Variants in ZNF778 observed in about 807,000 individuals in gnomAD.
ZNF778 encodes the protein zinc finger protein 778.
In ZNF778, 37 loss-of-function variants were observed where a neutral mutation model predicts 23.9. The ratio of observed to expected loss-of-function variants is 1.54; its 90% CI spans 1.19 to 2.03. The LOEUF (loss-of-function observed/expected upper bound fraction) is 2.03. Ranked by LOEUF, ZNF778 falls within the 30% of genes most tolerant of loss-of-function variation. The pLI is 0.00. For missense variants in ZNF778, 1,297 were observed against 934.4 expected, an observed-to-expected ratio of 1.39 and a Z score of -5.06; for synonymous variants, 483 against 343.9, an observed-to-expected ratio of 1.40 and a Z score of -4.48.
chr16:89,220,382 G>C (rs1365349220), intron 1 of ZNF778, among the ~76,000 whole-genome samples: 1 of 152,206 alleles, frequency 6.6e-6, no homozygotes, highest in Non-Finnish European at 1.5e-5. Context: ...CCGGGGCGGG[G>C]CACGGTGGCT....
In ZNF778 at chr16:89,227,492, T is replaced by G; in HGVS notation, c.1204T>G (p.Phe402Val). The change falls in exon 7 of 7, where the codon TTT (phenylalanine) becomes GTT (valine). Residue 402 changes from phenylalanine to valine, a missense_variant. By Grantham distance (50) the Phe-to-Val change is conservative. Coordinates refer to ENST00000433976, the MANE Select transcript of ZNF778 (RefSeq NM_001201407.2). Reference protein sequence around the residue: ...PFACVVCGKYFRNSSCLNNHV... With the variant: ...PFACVVCGKYVRNSSCLNNHV... ...TGCATGTGTGGTTTGCGGAAAATAT[T>G]TTAGAAATTCCTCATGCCTTAATAA... 6.2e-7 allele frequency: 1 copy of G among 1,613,604 alleles called. No homozygotes were observed. Among genetic ancestry groups the G allele is most frequent in the African/African-American group, 1.3e-5 (1 of 74,900 alleles).
chr16:89,225,779 G>A (rs1567502781), intron 6 of ZNF778, 148 bp downstream of exon 6: 1 of 703,278 alleles, frequency 1.4e-6, no homozygotes, highest in East Asian at 2.9e-5. Context: ...TGAATGTGCG[G>A]AATTTGGGAG....
chr16:89,233,332 C>T lies in ZNF778; in HGVS notation c.*4770C>T, dbSNP rs1409435381. 4 of 1,283,580 alleles carry T rather than the reference C, an allele frequency of 3.1e-6. No individual in the cohort carries two copies. The highest frequency in any genetic ancestry group is 3.2e-5 in the African/African-American group (2 of 63,398). 79.5% of individuals were successfully genotyped at this position (1,283,580 alleles called of 1,614,324 possible). ...TGCGTATGCAACTCAGCTCGCTCTG[C>T]GTATGCAACTCAGCTCGCACTGCGT... On this transcript the variant is annotated 3_prime_UTR_variant, in exon 7 of 7. Coordinates refer to ENST00000433976, the MANE Select transcript of ZNF778 (RefSeq NM_001201407.2).
chr16:89,225,845 C>T (rs939172468), intron 6 of ZNF778, among the ~76,000 whole-genome samples: 3 of 151,952 alleles, frequency 2.0e-5, no homozygotes, highest in African/African-American at 2.4e-5. Flanking sequence ...GCACACATGA[C>T]GAGGTCTTGA....
Position 89,232,587 on chromosome 16 carries a change from T to C in ZNF778, c.*4025T>C. On this transcript the variant is annotated 3_prime_UTR_variant, in exon 7 of 7. Transcript: ENST00000433976. The stretch of plus-strand genomic sequence containing the variant: ...TGTGTGAAAATCTCCACTCCCAATG[T>C]CTGAGGGTTCCTCAGAGTAAGATAA... 1.7e-6 allele frequency: 2 copies of C among 1,183,080 alleles called. No individual in the cohort carries two copies. The highest frequency in any genetic ancestry group is 2.1e-6 in the Non-Finnish European group (2 of 936,432). The allele number at this position is 1,183,080 out of a possible 1,614,324, so 73.3% of individuals were successfully genotyped here. A position where few individuals can be genotyped will look rare whatever the true frequency, so the allele number is the denominator to read the frequency against.
Position 89,233,645 on chromosome 16 carries a change from C to A in ZNF778, c.*5083C>A, listed in dbSNP as rs2032121020. The A allele has an allele frequency of 7.8e-7, 1 of 1,281,996 alleles. No individual in the cohort carries two copies. Among genetic ancestry groups the A allele is most frequent in the South Asian group, 1.2e-5 (1 of 80,056 alleles). The allele number at this position is 1,281,996 out of a possible 1,614,324, so 79.4% of individuals were successfully genotyped here. ...CTCACACTGTATGCAACTCAGCTCGCTCTGCATATGCAATTCAACTCGCAC... is the reference window on the plus strand; with the variant it reads ...CTCACACTGTATGCAACTCAGCTCGATCTGCATATGCAATTCAACTCGCAC... On this transcript the variant is annotated 3_prime_UTR_variant, in exon 7 of 7. Transcript: ENST00000433976.
At chr16:89,222,299 G>A (rs2031034232) in intron 3 of ZNF778, 116 bp downstream of exon 3, 1 of 639,440 alleles carries the variant, frequency 1.6e-6, no homozygotes. Context: ...GTCCCTAGTT[G>A]AACGCCTCCA....
Position 89,227,341 on chromosome 16 carries a change from T to G in ZNF778, c.1053T>G (p.Gly351=), listed in dbSNP as rs755119440. Residue 351 remains glycine (G), a synonymous_variant, in exon 7 of 7, where the codon GGT becomes GGG. Coordinates refer to ENST00000433976, the MANE Select transcript of ZNF778 (RefSeq NM_001201407.2). ...GAAAAGCCTTCACTGGACTCTCAGGTCTTTCTAAACACGTCCAAACAGACC... is the reference window on the plus strand; with the variant it reads ...GAAAAGCCTTCACTGGACTCTCAGGGCTTTCTAAACACGTCCAAACAGACC... ...ECGKAFTGLS[G]LSKHVQTDPG... 1.2e-6 allele frequency: 2 copies of G among 1,613,972 alleles called. No individual in the cohort carries two copies. The highest frequency in any genetic ancestry group is 1.7e-6 in the Non-Finnish European group (2 of 1,179,876).
Position 89,233,580 on chromosome 16 carries a change from T to A in ZNF778, c.*5018T>A, listed in dbSNP as rs1305162337. 8.8e-7 allele frequency: 1 copy of A among 1,131,188 alleles called. No homozygotes were observed. Among genetic ancestry groups the A allele is most frequent in the Non-Finnish European group, 1.2e-6 (1 of 864,678 alleles). 70.1% of individuals were successfully genotyped at this position (1,131,188 alleles called of 1,614,324 possible). On this transcript the variant is annotated 3_prime_UTR_variant, in exon 7 of 7. Transcript: ENST00000433976. ...CATATGCAACTCAGCTCGCACTGCA[T>A]ATGCAACGCAACTCAACTCATACTG...
At position 89,230,182 on chromosome 16, in the gene ZNF778, T is replaced by C; in HGVS notation, c.*1620T>C. The C allele has an allele frequency of 2.1e-6, 1 of 465,246 alleles. No homozygotes were observed. The highest frequency in any genetic ancestry group is 2.8e-6 in the Non-Finnish European group (1 of 355,300). The allele number at this position is 465,246 out of a possible 1,614,324, so 28.8% of individuals were successfully genotyped here. A position where few individuals can be genotyped will look rare whatever the true frequency, so the allele number is the denominator to read the frequency against. On this transcript the variant is annotated 3_prime_UTR_variant, in exon 7 of 7. Transcript: ENST00000433976. ...AATGCCCTTGTTCCTCTCCCATACC[T>C]GATCCCTTCAGATAAAACACCAGGG...
chr16:89,227,287 A>G lies in ZNF778; in HGVS notation c.999A>G (p.Ala333=). The G allele has an allele frequency of 1.2e-6, 2 of 1,613,940 alleles. No homozygotes were observed. The highest frequency in any genetic ancestry group is 1.7e-6 in the Non-Finnish European group (2 of 1,179,816). The part of the protein sequence containing the change: ...SLTQHVRIHA[A]EKPCECKECG... ...CTCAACATGTAAGAATTCATGCTGC[A>G]GAGAAACCCTGTGAATGTAAAGAAT... Residue 333 remains alanine (A), a synonymous_variant, in exon 7 of 7, where the codon GCA becomes GCG. Coordinates refer to ENST00000433976, the MANE Select transcript of ZNF778 (RefSeq NM_001201407.2).
Position 89,232,859 on chromosome 16 carries a change from A to G in ZNF778, c.*4297A>G, listed in dbSNP as rs904278304. The G allele has an allele frequency of 2.3e-6, 3 of 1,289,278 alleles. No individual in the cohort carries two copies. Among genetic ancestry groups the G allele is most frequent in the African/African-American group, 1.5e-5 (1 of 65,920 alleles). The allele number at this position is 1,289,278 out of a possible 1,614,324, so 79.9% of individuals were successfully genotyped here. On this transcript the variant is annotated 3_prime_UTR_variant, in exon 7 of 7. Transcript: ENST00000433976. ...CAACTCAACTCACACCGTGTATGCA[A>G]ATCAACTCGCACTGCGTATGCAACT...
chr16:89,222,969 G>T (rs2031111520), intron 3 of ZNF778, among the ~76,000 whole-genome samples, 188 bp from the exon 4 acceptor site: 1 of 152,148 alleles, frequency 6.6e-6, no homozygotes, highest in Non-Finnish European at 1.5e-5. Context: ...GAGCGACAGG[G>T]TGCGCGTGAC....
intron 1 of ZNF778, among the ~76,000 whole-genome samples, chr16:89,219,742 C>T (rs1382228497): frequency 6.6e-6 from 1 of 152,288 alleles, no homozygotes; most frequent in African/African-American, 2.4e-5. Flanking sequence ...GTGCACTGAT[C>T]CACACTTGGC....
At position 89,234,055 on chromosome 16, in the gene ZNF778, C is replaced by T. The variant is rs1037700878; in HGVS notation, c.*5493C>T. 2.6e-6 allele frequency: 2 copies of T among 756,108 alleles called. No individual in the cohort carries two copies. Among genetic ancestry groups the T allele is most frequent in the Non-Finnish European group, 4.0e-6 (2 of 501,284 alleles). The allele number at this position is 756,108 out of a possible 1,614,324, so 46.8% of individuals were successfully genotyped here. ...CTCCCCTGGCTCTGACTTCTGCCTC[C>T]TGCCCAGCTCTGCAGCTCCCCTTGG... On this transcript the variant is annotated 3_prime_UTR_variant, in exon 7 of 7. Coordinates refer to ENST00000433976, the MANE Select transcript of ZNF778 (RefSeq NM_001201407.2).
rs1360169457 is a variant in ZNF778, at chr16:89,236,853, C to T, written c.*8291C>T. 1 of 152,236 alleles carries T rather than the reference C, an allele frequency of 6.6e-6. No homozygotes were observed. The highest frequency in any genetic ancestry group is 1.5e-5 in the Non-Finnish European group (1 of 68,084). 9.4% of individuals were successfully genotyped at this position (152,236 alleles called of 1,614,324 possible). ...TTGGGAGAGTGAGGTGGGTGGATCA[C>T]TTGAGGTCAGGAGTTTGAGACCAGC... On this transcript the variant is annotated 3_prime_UTR_variant, in exon 7 of 7. Coordinates refer to ENST00000433976, the MANE Select transcript of ZNF778 (RefSeq NM_001201407.2).
Position 89,221,071 on chromosome 16 carries a change from T to G in ZNF778, c.-57T>G. 5.2e-6 allele frequency: 8 copies of G among 1,552,208 alleles called. 1 individual carries two copies. The South Asian group carries it at 8.3e-5, about 16-fold the overall frequency. ...TTCCACATAGATTCACAAGCTGCCC[T>G]GCAGTGGCCTTGGCTTCAGGAAAGG... On this transcript the variant is annotated 5_prime_UTR_variant, in exon 2 of 7. Coordinates refer to ENST00000433976, the MANE Select transcript of ZNF778 (RefSeq NM_001201407.2).
chr16:89,219,542 G>A (rs1005711219), intron 1 of ZNF778, among the ~76,000 whole-genome samples: 1 of 152,206 alleles, frequency 6.6e-6, no homozygotes. Flanking sequence ...GAAAAGGTAA[G>A]TGGTCAGCTG....
chr16:89,220,547 A>G (rs564311654), intron 1 of ZNF778, among the ~76,000 whole-genome samples: 28 of 152,326 alleles, frequency 1.8e-4, no homozygotes, highest in African/African-American at 6.7e-4. Context: ...AGTCTCAGCT[A>G]CTTGGTAGGC....
Sources: gnomAD v4.1 joint callset for allele counts (sites outside exome capture counted in the v4.1 genomes callset) on GRCh38, gnomAD v4.1.1 for gene constraint, MANE v1.5 for transcripts, NCBI Gene and HGNC (gene_info 2026-07-23, HGNC 2026-07-21) for gene names.